The following COLEC12 variants were observed in gnomAD, a reference collection of about 807,000 sequenced individuals.
COLEC12 encodes the protein collectin subfamily member 12.
In COLEC12, 33 loss-of-function variants were observed where a neutral mutation model predicts 71.1. The observed-to-expected ratio is 0.46, with a 90% confidence interval of 0.35 to 0.62. The LOEUF is 0.62. Ranked by LOEUF, COLEC12 falls within the 20% of genes least tolerant of loss-of-function variation. The pLI is 0.00. For synonymous variants in COLEC12, 350 were observed against 353.0 expected, an observed-to-expected ratio of 0.99 and a Z score of 0.10; for missense variants, 765 against 916.1, an observed-to-expected ratio of 0.84 and a Z score of 2.13.
intron 2 of COLEC12, among the ~76,000 whole-genome samples, chr18:391,141 C>G (rs555891552): frequency 6.6e-6 from 1 of 152,296 alleles, no homozygotes; most frequent in African/African-American, 2.4e-5. Flanking sequence ...TTATTCCTAT[C>G]GCCTTAACGT....
At chr18:329,141 G>A (rs1913912766) in intron 8 of COLEC12, among the ~76,000 whole-genome samples, 1 of 152,152 alleles carries the variant, frequency 6.6e-6, no homozygotes, top group African/African-American at 2.4e-5. Flanking sequence ...TACCAAGCGG[G>A]TGCGCTCCAT....
intron 2 of COLEC12, among the ~76,000 whole-genome samples, chr18:470,220 ATTTTT>A (rs71174234): frequency 1.1e-4 from 10 of 92,354 alleles, no homozygotes; most frequent in Non-Finnish European, 1.2e-4. Context: ...AGGCCAGGAA[ATTTTT>A]TTTTTTTTTT....
At chr18:482,757 G>A (rs909438355) in intron 1 of COLEC12, among the ~76,000 whole-genome samples, 4 of 152,014 alleles carry the variant, frequency 2.6e-5, no homozygotes, top group Non-Finnish European at 5.9e-5. Context: ...GATTGCAGGC[G>A]CCCACTACCA....
chr18:374,474 G>A (rs990234831), intron 2 of COLEC12, among the ~76,000 whole-genome samples: 2 of 152,108 alleles, frequency 1.3e-5, no homozygotes, highest in Admixed American at 6.5e-5. Flanking sequence ...CCTCGCCCCT[G>A]AAAATCACCC....
intron 2 of COLEC12, among the ~76,000 whole-genome samples, chr18:366,830 G>GC (rs1914866351): frequency 6.6e-6 from 1 of 152,182 alleles, no homozygotes; most frequent in Admixed American, 6.5e-5. Context: ...TGTCCTGTGG[G>GC]CCGGGGTATG....
At chr18:348,963 A>C (rs1041115821) in intron 3 of COLEC12, among the ~76,000 whole-genome samples, 3 of 152,144 alleles carry the variant, frequency 2.0e-5, no homozygotes, top group African/African-American at 4.8e-5. Context: ...TAATTTGAAT[A>C]ATGGGGGTGG....
intron 2 of COLEC12, among the ~76,000 whole-genome samples, chr18:387,202 T>C: frequency 6.6e-6 from 1 of 152,198 alleles, no homozygotes; most frequent in East Asian, 1.9e-4. Flanking sequence ...CGCTGTGGCC[T>C]TAATTATTTG....
intron 1 of COLEC12, among the ~76,000 whole-genome samples, chr18:485,549 T>A (rs1280598628): frequency 6.6e-6 from 1 of 152,270 alleles, no homozygotes; most frequent in African/African-American, 2.4e-5. Context: ...ATATTTTGCT[T>A]ACCTATTTTG....
intron 2 of COLEC12, among the ~76,000 whole-genome samples, chr18:458,721 T>A (rs562144939): frequency 5.1e-4 from 78 of 152,372 alleles, no homozygotes; most frequent in Admixed American, 3.5e-3. Context: ...TCACAGATTC[T>A]GTCTCTATAT....
At chr18:379,125 GTTTT>G (rs368364045) in intron 2 of COLEC12, among the ~76,000 whole-genome samples, 1 of 146,856 alleles carries the variant, frequency 6.8e-6, no homozygotes, top group Non-Finnish European at 1.5e-5. Context: ...TTTTGTTTTT[GTTTT>G]TTTTTTTCTT....
intron 8 of COLEC12, among the ~76,000 whole-genome samples, chr18:329,540 A>C (rs375123007): frequency 6.6e-6 from 1 of 152,170 alleles, no homozygotes; most frequent in East Asian, 1.9e-4. Context: ...TGAGTCTCCT[A>C]AAGTGTGTCC....
intron 1 of COLEC12, among the ~76,000 whole-genome samples, chr18:499,860 C>T (rs1567927546): frequency 7.7e-6 from 1 of 129,484 alleles, no homozygotes; most frequent in Non-Finnish European, 1.6e-5. Context: ...TGTGTCACCC[C>T]AAAACACCAG....
At chr18:369,630 G>C (rs919190774) in intron 2 of COLEC12, among the ~76,000 whole-genome samples, 1 of 151,778 alleles carries the variant, frequency 6.6e-6, no homozygotes, top group Admixed American at 6.6e-5. Context: ...TAAATGTTTT[G>C]AATTCAAAAT....
chr18:402,046 T>C (rs1030859537), intron 2 of COLEC12, among the ~76,000 whole-genome samples: 5 of 152,152 alleles, frequency 3.3e-5, no homozygotes, highest in African/African-American at 1.2e-4. Flanking sequence ...CTACTTAGCA[T>C]TGTTATCGGT....
At chr18:402,707 T>C (rs1915712232) in intron 2 of COLEC12, among the ~76,000 whole-genome samples, 1 of 152,062 alleles carries the variant, frequency 6.6e-6, no homozygotes, top group African/African-American at 2.4e-5. Flanking sequence ...TGCGAAAGTT[T>C]GTTCCTTGCT....
At position 346,579 on chromosome 18, in the gene COLEC12, C is replaced by T. The variant is rs1243538354; in HGVS notation, c.1043G>A (p.Ser348Asn). 5 of 1,614,080 alleles carry T rather than the reference C, an allele frequency of 3.1e-6. No individual in the cohort carries two copies. The South Asian group carries it at 4.4e-5, about 14-fold the overall frequency. Residue 348 changes from serine to asparagine, a missense_variant, in exon 5 of 10, where the codon AGC (serine) becomes AAC (asparagine). Coordinates refer to ENST00000400256, the MANE Select transcript of COLEC12 (RefSeq NM_130386.3). The surrounding 1 kb of genome is among the most constrained non-coding windows in gnomAD (Gnocchi z 4.0). ...GTGGTGGGCTGTGTAACTGATATTG[C>T]TAATGATGTTCACAATATCCGTCTC... ...LFETDIVNII[S>N]NISYTAHHLR...
intron 2 of COLEC12, among the ~76,000 whole-genome samples, chr18:478,962 A>G (rs1598378219): frequency 6.9e-6 from 1 of 144,252 alleles, no homozygotes; most frequent in African/African-American, 2.7e-5. Flanking sequence ...TCCAACTGGT[A>G]ATATGGCTGA....
chr18:462,084 G>A (rs1916993878), intron 2 of COLEC12, among the ~76,000 whole-genome samples: 2 of 152,160 alleles, frequency 1.3e-5, no homozygotes, highest in Non-Finnish European at 1.5e-5. Context: ...AAGGGAATGA[G>A]GATACTTAAT....
intron 2 of COLEC12, among the ~76,000 whole-genome samples, chr18:466,969 C>T (rs1377084036): frequency 2.0e-5 from 3 of 152,120 alleles, no homozygotes; most frequent in Admixed American, 6.5e-5. Context: ...TTCAGCTCTC[C>T]TCAGCTGTGG....
Sources: gnomAD v4.1 joint callset for allele counts (sites outside exome capture counted in the v4.1 genomes callset) on GRCh38, gnomAD v4.1.1 for gene constraint, Gnocchi (gnomAD v3.1) non-coding constraint, MANE v1.5 for transcripts, NCBI Gene and HGNC (gene_info 2026-07-23, HGNC 2026-07-21) for gene names.